PSD2: variants seen among roughly 807,000 people sequenced by gnomAD.
PSD2 encodes the protein pleckstrin and Sec7 domain containing 2.
Under a neutral mutation model 69.8 loss-of-function variants are expected in PSD2, and 38 were observed. That is an observed-to-expected ratio of 0.54 (90% confidence interval 0.42 to 0.71). The LOEUF (loss-of-function observed/expected upper bound fraction) is 0.71. PSD2 is among the 30% of genes least tolerant of loss of function. The pLI, the probability that PSD2 is intolerant of heterozygous loss-of-function variation, is 0.00. For synonymous variants in PSD2, 412 were observed against 423.0 expected (o/e 0.97, Z 0.32); for missense variants, 943 against 1,014.5 (o/e 0.93, Z 0.96).
At chr5:139,822,935 C>T (rs796572884) in intron 7 of PSD2, 151 bp downstream of exon 7, 6 of 590,142 alleles carry the variant, frequency 1.0e-5, no homozygotes, top group East Asian at 3.4e-5. Flanking sequence ...GATTTGGCCC[C>T]GCCCTAGTTT....
intron 7 of PSD2, among the ~76,000 whole-genome samples, chr5:139,824,489 C>T (rs1187066560): frequency 5.3e-5 from 8 of 151,450 alleles, no homozygotes; most frequent in Admixed American, 2.0e-4. Context: ...CCTCGCCTCC[C>T]AGGTTCATGC....
chr5:139,820,021 G>T (rs1760217816), intron 5 of PSD2, among the ~76,000 whole-genome samples: 1 of 152,152 alleles, frequency 6.6e-6, no homozygotes, highest in Admixed American at 6.5e-5. Context: ...TTCTGAAGAG[G>T]GTCAGGTGGG....
chr5:139,813,269 C>A, intron 2 of PSD2, 40 bp from the exon 3 acceptor site: 1 of 1,494,352 alleles, frequency 6.7e-7, no homozygotes, highest in Middle Eastern at 1.8e-4. Flanking sequence ...GTATGGGGGA[C>A]AGCTTGGCAG....
intron 1 of PSD2, among the ~76,000 whole-genome samples, chr5:139,806,973 G>A (rs889068667): frequency 1.3e-5 from 2 of 152,226 alleles, no homozygotes; most frequent in South Asian, 4.1e-4. Flanking sequence ...AGCTAAAGGA[G>A]GACATAGCAG....
At chr5:139,744,464 A>G in the PSD2 span, among the ~76,000 whole-genome samples, 4 of 152,052 alleles carry the variant, frequency 2.6e-5, no homozygotes, top group African/African-American at 7.2e-5. Flanking sequence ...AGAGTTGGCT[A>G]GCTCCCCCCA....
the PSD2 span, among the ~76,000 whole-genome samples, chr5:139,761,727 C>T: frequency 2.6e-5 from 4 of 152,214 alleles, no homozygotes; most frequent in African/African-American, 9.6e-5. Flanking sequence ...GCCCACCGGC[C>T]TCCATCTGGT....
intron 7 of PSD2, among the ~76,000 whole-genome samples, chr5:139,823,238 C>T (rs1027617036): frequency 6.6e-6 from 1 of 152,320 alleles, no homozygotes; most frequent in African/African-American, 2.4e-5. Flanking sequence ...CTCAGCACTT[C>T]TCATGGCTCA....
the PSD2 span, among the ~76,000 whole-genome samples, chr5:139,762,882 G>A: frequency 1.3e-5 from 2 of 152,100 alleles, no homozygotes; most frequent in Admixed American, 1.3e-4. Flanking sequence ...AGATGGCCTG[G>A]GGGGAGAGCA....
the PSD2 span, among the ~76,000 whole-genome samples, chr5:139,782,097 G>A: frequency 1.3e-5 from 2 of 152,212 alleles, no homozygotes; most frequent in Non-Finnish European, 2.9e-5. Flanking sequence ...CCCTTCACAG[G>A]GCCTTTCATA....
chr5:139,759,042 G>A, the PSD2 span, among the ~76,000 whole-genome samples: 1 of 151,526 alleles, frequency 6.6e-6, no homozygotes, highest in Non-Finnish European at 1.5e-5. Context: ...GCTCCAGGTA[G>A]TACTGAAGGG....
intron 2 of PSD2, 104 bp from the exon 3 acceptor site, chr5:139,813,205 G>A: frequency 1.2e-6 from 1 of 859,986 alleles, no homozygotes; most frequent in African/African-American, 1.7e-5. Flanking sequence ...GGATGGGGGA[G>A]TGGTGTGCCC....
the PSD2 span, among the ~76,000 whole-genome samples, chr5:139,779,846 T>C: frequency 6.6e-6 from 1 of 152,222 alleles, no homozygotes; most frequent in Non-Finnish European, 1.5e-5. Context: ...TGTTGTTGCA[T>C]GTATCAGTAG....
At chr5:139,817,377 G>A in intron 4 of PSD2, 104 bp from the exon 5 acceptor site, 2 of 938,478 alleles carry the variant, frequency 2.1e-6, no homozygotes, top group Non-Finnish European at 3.5e-6. Context: ...AGCAGGTCTA[G>A]GGGGTGGGTG....
chr5:139,789,110 C>A, the PSD2 span, among the ~76,000 whole-genome samples: 1 of 152,254 alleles, frequency 6.6e-6, no homozygotes, highest in Non-Finnish European at 1.5e-5. Flanking sequence ...CTACTGTGGG[C>A]CTGTCAGGGT....
At chr5:139,742,858 C>A in the PSD2 span, among the ~76,000 whole-genome samples, 1 of 152,140 alleles carries the variant, frequency 6.6e-6, no homozygotes, top group Non-Finnish European at 1.5e-5. Flanking sequence ...GATCTGAGAG[C>A]CAAATTCCAG....
chr5:139,775,817 C>T, the PSD2 span, among the ~76,000 whole-genome samples: 1 of 152,242 alleles, frequency 6.6e-6, no homozygotes, highest in Non-Finnish European at 1.5e-5. Flanking sequence ...TATAGGCATG[C>T]GCCACCACGC....
In PSD2 at chr5:139,837,164, C is replaced by T. The variant is rs759906436; in HGVS notation, c.1595-4C>T. On this transcript the variant is annotated splice_polypyrimidine_tract_variant and splice_region_variant and intron_variant, in intron 10 of 14. Transcript: ENST00000274710. The surrounding 1 kb of genome is among the most constrained non-coding windows in gnomAD (Gnocchi z 5.0). ...AGCCACACTACCAGTGCCCTCCTCCCCAGCGCCCCGTGGGAGGCGTGGCTG... is the reference window on the plus strand; with the variant it reads ...AGCCACACTACCAGTGCCCTCCTCCTCAGCGCCCCGTGGGAGGCGTGGCTG... 6.2e-7 allele frequency: 1 copy of T among 1,614,018 alleles called. No homozygotes were observed. Among genetic ancestry groups the T allele is most frequent in the Non-Finnish European group, 8.5e-7 (1 of 1,179,934 alleles).
intron 1 of PSD2, among the ~76,000 whole-genome samples, chr5:139,806,911 C>T (rs1276308433): frequency 6.6e-6 from 1 of 152,190 alleles, no homozygotes; most frequent in Non-Finnish European, 1.5e-5. Context: ...CTGCCCACCC[C>T]CAGAAACAAA....
At chr5:139,786,089 AAAAT>A in the PSD2 span, among the ~76,000 whole-genome samples, 1 of 152,016 alleles carries the variant, frequency 6.6e-6, no homozygotes, top group Non-Finnish European at 1.5e-5. Context: ...ACCCTGTCTC[AAAAT>A]AAATAAATAG....
Sources: allele counts gnomAD v4.1 joint callset (sites outside exome capture counted in the v4.1 genomes callset), GRCh38; gene constraint gnomAD v4.1.1; non-coding constraint Gnocchi (gnomAD v3.1); transcripts MANE v1.5; gene names NCBI Gene and HGNC (gene_info 2026-07-23, HGNC 2026-07-21).